The following EPHA8 variants were observed in gnomAD, a reference collection of about 807,000 sequenced individuals.
EPHA8 encodes ephrin type-A receptor 8.
Under a neutral mutation model 103.6 loss-of-function variants are expected in EPHA8, and 58 were observed. That is an observed-to-expected ratio of 0.56 (90% CI 0.45 to 0.70). The LOEUF (loss-of-function observed/expected upper bound fraction) is 0.70, where lower values mean the gene tolerates loss of function less well. EPHA8 is among the 30% of genes least tolerant of loss of function. The pLI is 0.00. For missense variants in EPHA8, 1,304 were observed against 1,395.2 expected, an observed-to-expected ratio of 0.93 and a Z score of 1.04; for synonymous variants, 559 against 572.5, an observed-to-expected ratio of 0.98 and a Z score of 0.34.
intron 13 of EPHA8, among the ~76,000 whole-genome samples, chr1:22,599,498 C>T (rs1641617034): frequency 6.6e-6 from 1 of 151,936 alleles, no homozygotes; most frequent in South Asian, 2.1e-4. Context: ...CAATAGGAGC[C>T]CTCCCTTAGC....
chr1:22,578,280 G>A (rs1640836336), intron 3 of EPHA8, among the ~76,000 whole-genome samples: 1 of 148,784 alleles, frequency 6.7e-6, no homozygotes, highest in Admixed American at 6.6e-5. Flanking sequence ...ATGAGTGCAT[G>A]TGTACGTGTG....
chr1:22,585,262 C>T (rs1204919675), intron 3 of EPHA8, among the ~76,000 whole-genome samples: 1 of 152,080 alleles, frequency 6.6e-6, no homozygotes, highest in Non-Finnish European at 1.5e-5. Context: ...CTAAACAAGG[C>T]TCCAAGTGGG....
rs201472276 is a variant in EPHA8 at position 22,579,083 on chromosome 1, A to G, written c.823+2203A>G. ...TATGTATGCATGTGTGTGCATGTGT[A>G]CGTGCATGTGTGCATGTGTATGTGT... is the stretch of plus-strand genomic sequence containing the variant. On this transcript the variant is annotated intron_variant, in intron 3 of 16. Coordinates refer to ENST00000166244, the MANE Select transcript of EPHA8 (RefSeq NM_020526.5). 9.4e-3 allele frequency among the ~76,000 whole-genome samples: 1,006 copies of G among 107,276 alleles called. 8 individuals are homozygous for G. The highest frequency in any genetic ancestry group is 0.044 in the East Asian group (164 of 3,728). The allele number at this position is 107,276 out of a possible 152,430, so 70.4% of individuals were successfully genotyped here.
Position 22,576,315 on chromosome 1 carries a change from G to A in EPHA8, c.258G>A (p.Thr86=), listed in dbSNP as rs774681506. The A allele has an allele frequency of 2.5e-6, 4 of 1,613,752 alleles. No homozygotes were observed. Among genetic ancestry groups the A allele is most frequent in the Admixed American group, 1.7e-5 (1 of 60,000 alleles). The change falls in exon 3 of 17, where the codon ACG becomes ACA. Residue 86 remains threonine (T), a synonymous_variant. Coordinates refer to ENST00000166244, the MANE Select transcript of EPHA8 (RefSeq NM_020526.5). This position sits in a 1 kb window ranked among gnomAD's most constrained non-coding sequence, Gnocchi z 4.8. Reference sequence around the variant, plus strand: ...CCAACCAGAACAACTGGCTGCGCACGAGCTGGGTCCCCCGAGACGGCGCCC... The same window carrying A: ...CCAACCAGAACAACTGGCTGCGCACAAGCTGGGTCCCCCGAGACGGCGCCC... ...MSPNQNNWLR[T]SWVPRDGARR...
At chr1:22,592,549 T>C (rs1310405147) in intron 5 of EPHA8, among the ~76,000 whole-genome samples, 1 of 152,140 alleles carries the variant, frequency 6.6e-6, no homozygotes, top group Non-Finnish European at 1.5e-5. Context: ...TCAGCAGCAT[T>C]TATTGGGCAC....
intron 1 of EPHA8, among the ~76,000 whole-genome samples, chr1:22,568,435 G>A (rs984828133): frequency 2.6e-5 from 4 of 152,232 alleles, no homozygotes; most frequent in African/African-American, 9.6e-5. Context: ...AGGGATGGTG[G>A]ATGGCCTGCC....
In EPHA8 at chr1:22,601,360, T is replaced by C. The variant is rs1284385542; in HGVS notation, c.2790T>C (p.Gly930=). 6.2e-7 allele frequency: 1 copy of C among 1,608,904 alleles called. No individual in the cohort carries two copies. The highest frequency in any genetic ancestry group is 1.3e-5 in the African/African-American group (1 of 74,744). Reference sequence around the variant, plus strand: ...ACCTCCGAGGGGGCAGCGGTGGCGGTGGGGGCCTCACCGTGGGGGACTGGC... The same window carrying C: ...ACCTCCGAGGGGGCAGCGGTGGCGGCGGGGGCCTCACCGTGGGGGACTGGC... ...CFDLRGGSGG[G]GGLTVGDWLD... The change falls in exon 16 of 17, where the codon GGT becomes GGC. Residue 930 remains glycine (G), a synonymous_variant. Coordinates refer to ENST00000166244, the MANE Select transcript of EPHA8 (RefSeq NM_020526.5).
At chr1:22,593,242 T>TC in intron 5 of EPHA8, 84 bp from the exon 6 acceptor site, 1 of 1,504,614 alleles carries the variant, frequency 6.6e-7, no homozygotes, top group Non-Finnish European at 8.9e-7. Flanking sequence ...GGAACCAGGA[T>TC]CCCCAGGTGG....
Position 22,586,611 on chromosome 1 carries a change from G to T in EPHA8, c.955G>T (p.Asp319Tyr). Residue 319 changes from aspartate to tyrosine, a missense_variant, in exon 4 of 17, where the codon GAC becomes TAC. Physicochemically the swap from Asp to Tyr is radical, Grantham distance 160 (BLOSUM62 -3). Coordinates refer to ENST00000166244, the MANE Select transcript of EPHA8 (RefSeq NM_020526.5). ...CCTCAGCTACTACCGTGCAGCCCTG[G>T]ACCCGCCGTCCTCAGCCTGCACCCG... ...CDLSYYRAAL[D>Y]PPSSACTRPP... 6.2e-7 allele frequency: 1 copy of T among 1,613,926 alleles called. No homozygotes were observed. Among genetic ancestry groups the T allele is most frequent in the Non-Finnish European group, 8.5e-7 (1 of 1,179,954 alleles).
chr1:22,585,046 T>TGCGCGCGCGC (rs887715708), intron 3 of EPHA8, among the ~76,000 whole-genome samples: 12 of 112,502 alleles, frequency 1.1e-4, no homozygotes, highest in African/African-American at 5.8e-4. Context: ...TGTGTGTGTG[T>TGCGCGCGCGC]GTGTGCGCAC....
At position 22,601,433 on chromosome 1, in the gene EPHA8, G is replaced by C; in HGVS notation, c.2863G>C (p.Gly955Arg). 6.2e-7 allele frequency: 1 copy of C among 1,610,748 alleles called. No homozygotes were observed. Among genetic ancestry groups the C allele is most frequent in the Non-Finnish European group, 8.5e-7 (1 of 1,179,824 alleles). ...GRYRDHFAAG[G>R]YSSLGMVLRM... ...GTACCGAGACCACTTCGCTGCGGGC[G>C]GATACTCCTCTCTGGGCATGGTGCT... The change falls in exon 16 of 17, where the codon GGA (glycine) becomes CGA (arginine). Residue 955 changes from glycine (G) to arginine (R), a missense_variant. Gly to Arg is a moderately radical substitution (Grantham distance 125). Transcript: ENST00000166244.
At chr1:22,601,516 G>A (rs760917231) in intron 16 of EPHA8, 43 bp downstream of exon 16, 6 of 985,392 alleles carry the variant, frequency 6.1e-6, no homozygotes, top group Admixed American at 2.9e-5. Context: ...TGTGGGGGCA[G>A]GGGGGGGGAC....
At position 22,601,019 on chromosome 1, in the gene EPHA8, A is replaced by C; in HGVS notation, c.2660A>C (p.Gln887Pro). ...CGGGCGCAGCGGCCTCGCTTCTCCC[A>C]GATTGTCAGTGTCCTCGATGCGCTC... Reference protein sequence around the residue: ...KDRAQRPRFSQIVSVLDALIR... With the variant: ...KDRAQRPRFSPIVSVLDALIR... The change falls in exon 15 of 17, where the codon CAG becomes CCG. Residue 887 changes from glutamine (Q) to proline (P), a missense_variant. Physicochemically the swap from Gln to Pro is moderately conservative, Grantham distance 76. Coordinates refer to ENST00000166244, the MANE Select transcript of EPHA8 (RefSeq NM_020526.5). 1 of 1,612,906 alleles carries C rather than the reference A, an allele frequency of 6.2e-7. No homozygotes were observed. The highest frequency in any genetic ancestry group is 8.5e-7 in the Non-Finnish European group (1 of 1,179,896).
intron 3 of EPHA8, among the ~76,000 whole-genome samples, chr1:22,581,108 T>C (rs142978383): frequency 1.3e-5 from 2 of 152,340 alleles, no homozygotes; most frequent in Non-Finnish European, 2.9e-5. Flanking sequence ...AGATAAGTAT[T>C]ATAGTCCCAT....
intron 5 of EPHA8, among the ~76,000 whole-genome samples, chr1:22,592,384 G>A (rs181263277): frequency 2.3e-4 from 35 of 152,252 alleles, no homozygotes; most frequent in African/African-American, 6.0e-4. Flanking sequence ...CCTGGTGTCC[G>A]CAGACAGCAA....
chr1:22,572,982 T>G (rs973586187), intron 2 of EPHA8, among the ~76,000 whole-genome samples: 2 of 152,216 alleles, frequency 1.3e-5, no homozygotes, highest in Non-Finnish European at 2.9e-5. Context: ...CAGATGGAAC[T>G]GATTAATTTA....
rs1423580363 is a variant in EPHA8, at chr1:22,578,562, T to G, written c.823+1682T>G. 5.5e-5 allele frequency among the ~76,000 whole-genome samples: 8 copies of G among 145,982 alleles called. 1 individual carries two copies. The East Asian group carries it at 1.3e-3, about 24-fold the overall frequency. ...GCATGTGTGCGTGAGTGTGCACATTTGTTAGTGTCTGCATGTGTGCATGAA... is the reference window on the plus strand; with the variant it reads ...GCATGTGTGCGTGAGTGTGCACATTGGTTAGTGTCTGCATGTGTGCATGAA... On this transcript the variant is annotated intron_variant, in intron 3 of 16. Coordinates refer to ENST00000166244, the MANE Select transcript of EPHA8 (RefSeq NM_020526.5).
rs568488011 is a variant in EPHA8 at position 22,572,486 on chromosome 1, C to T, written c.159+3133C>T. Among the ~76,000 whole-genome samples, 374 of 152,358 alleles carry T rather than the reference C, an allele frequency of 2.5e-3. 18 individuals carry two copies. The highest frequency in any genetic ancestry group is 0.024 in the Admixed American group (370 of 15,312). Reference sequence around the variant, plus strand: ...AGACCCCCTGCTCTTCATCAGGCTGCGTCCTTCCCTCTGCTCCCGGGAACT... The same window carrying T: ...AGACCCCCTGCTCTTCATCAGGCTGTGTCCTTCCCTCTGCTCCCGGGAACT... On this transcript the variant is annotated intron_variant, in intron 2 of 16. Transcript: ENST00000166244.
At chr1:22,595,543 A>G (rs1371548671) in intron 8 of EPHA8, among the ~76,000 whole-genome samples, 1 of 152,220 alleles carries the variant, frequency 6.6e-6, no homozygotes, top group Non-Finnish European at 1.5e-5. Flanking sequence ...TCTTCTTGCC[A>G]GAATCACACA....
Sources: gnomAD v4.1 joint callset for allele counts (sites outside exome capture counted in the v4.1 genomes callset) on GRCh38, gnomAD v4.1.1 for gene constraint, Gnocchi (gnomAD v3.1) non-coding constraint, MANE v1.5 for transcripts, NCBI Gene and HGNC (gene_info 2026-07-23, HGNC 2026-07-21) for gene names.